XKR4: variants seen among roughly 807,000 people sequenced by gnomAD.
XKR4 encodes the protein XK-related protein 4.
XKR4 carries 12 observed loss-of-function variants against 53.9 expected under a neutral mutation model. The ratio of observed to expected loss-of-function variants is 0.22; its 90% CI spans 0.14 to 0.36. XKR4 has a LOEUF of 0.36. Ranked by LOEUF, XKR4 falls within the 10% of genes least tolerant of loss-of-function variation. XKR4 has a pLI of 1.00. For synonymous variants in XKR4, 354 were observed against 362.4 expected (o/e 0.98, Z 0.26); for missense variants, 799 against 859.5 (o/e 0.93, Z 0.88).
At chr8:55,213,303 C>T (rs924727150) in intron 1 of XKR4, among the ~76,000 whole-genome samples, 6 of 151,968 alleles carry the variant, frequency 3.9e-5, no homozygotes, top group Non-Finnish European at 8.8e-5. Flanking sequence ...ATTGTTGGGT[C>T]GGAGATGAAA....
chr8:55,363,493 C>G (rs1041275554), intron 2 of XKR4, among the ~76,000 whole-genome samples: 1 of 152,178 alleles, frequency 6.6e-6, no homozygotes, highest in African/African-American at 2.4e-5. Flanking sequence ...TACCTGCTAA[C>G]TAGGGTAACC....
chr8:55,288,853 A>G (rs1175304347), intron 1 of XKR4, among the ~76,000 whole-genome samples: 1 of 152,242 alleles, frequency 6.6e-6, no homozygotes, highest in East Asian at 1.9e-4. Context: ...GAACCATGGC[A>G]ATAACAAATC....
chr8:55,348,650 T>C (rs1803684233), intron 1 of XKR4, among the ~76,000 whole-genome samples: 1 of 148,626 alleles, frequency 6.7e-6, no homozygotes, highest in Non-Finnish European at 1.5e-5. Context: ...ATAGAGATAA[T>C]GGATAGGTAG....
chr8:55,244,449 C>G (rs540760227), intron 1 of XKR4, among the ~76,000 whole-genome samples: 1 of 152,190 alleles, frequency 6.6e-6, no homozygotes, highest in South Asian at 2.1e-4. Flanking sequence ...TACCACATTT[C>G]CTTTATTCAG....
At chr8:55,296,078 G>C (rs1303474425) in intron 1 of XKR4, among the ~76,000 whole-genome samples, 1 of 152,146 alleles carries the variant, frequency 6.6e-6, no homozygotes, top group Non-Finnish European at 1.5e-5. Context: ...GGGCTGGGCT[G>C]TCCTCAGGGG....
chr8:55,174,254 C>T (rs975927886), intron 1 of XKR4, among the ~76,000 whole-genome samples: 4 of 151,936 alleles, frequency 2.6e-5, no homozygotes, highest in Admixed American at 1.3e-4. Context: ...CTAAATTTCT[C>T]GCATAAATCC....
In XKR4 at chr8:55,422,098, A is replaced by G. The variant is rs889749831; in HGVS notation, c.1006+64221A>G. On this transcript the variant is annotated intron_variant, in intron 2 of 2. Transcript: ENST00000327381. The stretch of plus-strand genomic sequence containing the variant: ...AGACTAAAATATTAGTGGTTCCATG[A>G]ATTGAGACCATACTAAATAAAATTA... Among the ~76,000 whole-genome samples the G allele has an allele frequency of 6.6e-5, 10 of 152,232 alleles. 1 individual carries two copies. Among genetic ancestry groups the G allele is most frequent in the Non-Finnish European group, 2.9e-5 (2 of 68,046 alleles).
intron 1 of XKR4, among the ~76,000 whole-genome samples, chr8:55,247,814 A>G (rs903184491): frequency 3.2e-5 from 4 of 126,722 alleles, no homozygotes; most frequent in Admixed American, 2.4e-4. Flanking sequence ...AACCACTTAC[A>G]TTATTAATTT....
intron 1 of XKR4, among the ~76,000 whole-genome samples, chr8:55,197,118 C>T (rs1207278235): frequency 6.6e-6 from 1 of 152,184 alleles, no homozygotes; most frequent in Non-Finnish European, 1.5e-5. Flanking sequence ...ATGGTTTACA[C>T]TGCAGTTTGA....
Position 55,393,602 on chromosome 8 carries a change from G to C in XKR4, c.1006+35725G>C, listed in dbSNP as rs1804475806. Among the ~76,000 whole-genome samples, 3 of 152,132 alleles carry C rather than the reference G, an allele frequency of 2.0e-5. 1 individual carries two copies. In the South Asian group the frequency reaches 6.2e-4, roughly 31 times the overall value. ...TAGTAAAAAGTTAAGAAAATGTTTT[G>C]TTATATGAAATATAGAAATCTGGGA... On this transcript the variant is annotated intron_variant, in intron 2 of 2. Coordinates refer to ENST00000327381, the MANE Select transcript of XKR4 (RefSeq NM_052898.2).
At chr8:55,438,872 C>T (rs1805224452) in intron 2 of XKR4, among the ~76,000 whole-genome samples, 1 of 152,178 alleles carries the variant, frequency 6.6e-6, no homozygotes, top group Admixed American at 6.5e-5. Flanking sequence ...CTAGCTTTCA[C>T]TTGGAGAGCA....
chr8:55,281,267 A>G (rs1818841518), intron 1 of XKR4, among the ~76,000 whole-genome samples: 1 of 152,200 alleles, frequency 6.6e-6, no homozygotes, highest in Non-Finnish European at 1.5e-5. Context: ...GTGCACCTTA[A>G]ATAATGATCC....
chr8:55,133,993 TC>T (rs1352855690), intron 1 of XKR4, among the ~76,000 whole-genome samples: 2 of 152,202 alleles, frequency 1.3e-5, no homozygotes, highest in Non-Finnish European at 1.5e-5. Context: ...ACTTTTTAGA[TC>T]ATTTGGAAGA....
At chr8:55,335,062 A>G (rs986050075) in intron 1 of XKR4, among the ~76,000 whole-genome samples, 4 of 152,200 alleles carry the variant, frequency 2.6e-5, no homozygotes, top group African/African-American at 9.6e-5. Context: ...AACTCTGGAA[A>G]AATTTTAGAC....
At chr8:55,472,790 A>G (rs1275743986) in intron 2 of XKR4, among the ~76,000 whole-genome samples, 1 of 152,120 alleles carries the variant, frequency 6.6e-6, no homozygotes, top group Non-Finnish European at 1.5e-5. Context: ...AGATTGGAGT[A>G]TTCTGAAGAA....
intron 1 of XKR4, among the ~76,000 whole-genome samples, chr8:55,137,572 C>A (rs189007791): frequency 3.1e-5 from 4 of 130,772 alleles, no homozygotes; most frequent in Non-Finnish European, 6.6e-5. Flanking sequence ...CAGAAGAGAA[C>A]TTTTTTTTTT....
In XKR4 at chr8:55,294,954, C is replaced by T. The variant is rs561231051; in HGVS notation, c.807-62724C>T. Among the ~76,000 whole-genome samples, 8 of 152,272 alleles carry T rather than the reference C, an allele frequency of 5.3e-5. No homozygotes were observed. The East Asian group carries it at 1.5e-3, about 29-fold the overall frequency. ...CCCTTTGCACATTAAGTTGTCAATA[C>T]AAAAGTATTGAACTCATATATTTCT... On this transcript the variant is annotated intron_variant, in intron 1 of 2. Transcript: ENST00000327381.
intron 2 of XKR4, among the ~76,000 whole-genome samples, chr8:55,382,919 A>C (rs1008122874): frequency 6.6e-6 from 1 of 152,298 alleles, no homozygotes; most frequent in African/African-American, 2.4e-5. Flanking sequence ...GAATGAACAC[A>C]TGTTCAAACT....
intron 1 of XKR4, among the ~76,000 whole-genome samples, chr8:55,159,681 C>A (rs1004351916): frequency 5.3e-5 from 8 of 152,076 alleles, no homozygotes; most frequent in Admixed American, 2.6e-4. Flanking sequence ...TTCGTGCCAA[C>A]CTGAACATCA....
Sources: allele counts gnomAD v4.1 joint callset (sites outside exome capture counted in the v4.1 genomes callset), GRCh38; gene constraint gnomAD v4.1.1; transcripts MANE v1.5; gene names NCBI Gene and HGNC (gene_info 2026-07-23, HGNC 2026-07-21).